FKBP14: variants seen among roughly 807,000 people sequenced by gnomAD.
The protein encoded by FKBP14 is FKBP prolyl isomerase 14, also known as peptidyl-prolyl cis-trans isomerase FKBP14.
Under a neutral mutation model 21.6 loss-of-function variants are expected in FKBP14, and 20 were observed. That is an observed-to-expected ratio of 0.92 (90% CI 0.65 to 1.34). FKBP14 has a LOEUF of 1.34. Among genes scored for constraint, FKBP14 ranks in the 40% most tolerant of loss-of-function variants. FKBP14 has a pLI of 0.00. For synonymous variants in FKBP14, 79 were observed against 86.7 expected, an observed-to-expected ratio of 0.91 and a Z score of 0.49; for missense variants, 253 against 249.0, an observed-to-expected ratio of 1.02 and a Z score of -0.11.
At chr7:30,005,941 A>G (rs1007491187), downstream of FKBP14, among the ~76,000 whole-genome samples, 3 of 152,296 alleles carry the variant, frequency 2.0e-5, no homozygotes, top group Admixed American at 2.0e-4. Context: ...AAGAAATTTA[A>G]CTGCATGGCA....
At chr7:30,008,667 G>GC (rs1789656175), downstream of FKBP14, among the ~76,000 whole-genome samples, 1 of 128,930 alleles carries the variant, frequency 7.8e-6, no homozygotes, top group Non-Finnish European at 1.6e-5. Flanking sequence ...GTTGCAGTGA[G>GC]CTGAGATTTA....
At chr7:30,009,890 TG>T (rs1264266271), downstream of FKBP14, among the ~76,000 whole-genome samples, 1 of 150,728 alleles carries the variant, frequency 6.6e-6, no homozygotes, top group Non-Finnish European at 1.5e-5. Flanking sequence ...TCCCAGCTAC[TG>T]GGGAGGCTGA....
Position 30,014,868 on chromosome 7 carries a change from A to G in FKBP14, c.503T>C (p.Phe168Ser). The change falls in exon 4 of 4, where the codon TTT becomes TCT. Residue 168 changes from phenylalanine to serine, a missense_variant. Coordinates refer to ENST00000222803, the MANE Select transcript of FKBP14 (RefSeq NM_017946.4). ...ATTCACCACCGCACCATGTTTTTCA[A>G]ACTCCTTCTTTAAATATGCTTTAAC... is the stretch of plus-strand genomic sequence containing the variant. Reference protein sequence around the residue: ...DEVKAYLKKEFEKHGAVVNES... With the variant: ...DEVKAYLKKESEKHGAVVNES... 1.3e-6 allele frequency: 2 copies of G among 1,595,736 alleles called. No individual in the cohort carries two copies. Among genetic ancestry groups the G allele is most frequent in the Non-Finnish European group, 1.7e-6 (2 of 1,175,150 alleles).
chr7:30,014,851 C>G lies in FKBP14; in HGVS notation c.520G>C (p.Val174Leu). The G allele has an allele frequency of 1.9e-6, 3 of 1,603,064 alleles. No individual in the cohort carries two copies. Among genetic ancestry groups the G allele is most frequent in the Non-Finnish European group, 2.5e-6 (3 of 1,177,352 alleles). ...GCATCATGATGACTTTCATTCACCACCGCACCATGTTTTTCAAACTCCTTC... is the reference window on the plus strand; with the variant it reads ...GCATCATGATGACTTTCATTCACCAGCGCACCATGTTTTTCAAACTCCTTC... Reference protein sequence around the residue: ...LKKEFEKHGAVVNESHHDALV... With the variant: ...LKKEFEKHGALVNESHHDALV... Residue 174 changes from valine (V) to leucine (L), a missense_variant, in exon 4 of 4, where the codon GTG becomes CTG. Val to Leu is a conservative substitution (Grantham distance 32, BLOSUM62 1). Transcript: ENST00000222803.
chr7:30,017,998 GAAATAAATAAATAAAT>G (rs56283024), intron 3 of FKBP14, among the ~76,000 whole-genome samples: 4,428 of 145,836 alleles, frequency 0.03, 112 homozygotes, highest in South Asian at 0.057. Context: ...TCCCTCTCAG[GAAATAAATAAATAAAT>G]AAATAAATAA....
intron 3 of FKBP14, among the ~76,000 whole-genome samples, 168 bp from the exon 4 acceptor site, chr7:30,015,061 G>C (rs968571579): frequency 6.6e-6 from 1 of 152,042 alleles, no homozygotes; most frequent in African/African-American, 2.4e-5. Flanking sequence ...AAAAATAATA[G>C]AAACTTTTTC....
chr7:30,023,219 C>G (rs1291758489), intron 1 of FKBP14, among the ~76,000 whole-genome samples: 1 of 152,172 alleles, frequency 6.6e-6, no homozygotes, highest in East Asian at 1.9e-4. Flanking sequence ...AGTCTTTAAA[C>G]CTAACTCCAA....
At chr7:30,021,913 T>G (rs974578937) in intron 2 of FKBP14, among the ~76,000 whole-genome samples, 2 of 152,180 alleles carry the variant, frequency 1.3e-5, no homozygotes, top group African/African-American at 4.8e-5. Flanking sequence ...GGTTCTCACT[T>G]GAACAGCAGG....
downstream of FKBP14, among the ~76,000 whole-genome samples, chr7:30,010,152 A>C (rs925058511): frequency 6.6e-6 from 1 of 152,182 alleles, no homozygotes; most frequent in Non-Finnish European, 1.5e-5. Context: ...CGTTATTTTC[A>C]TGGCAACCCC....
chr7:30,020,212 C>A (rs1234685416), intron 2 of FKBP14: 5 of 1,211,828 alleles, frequency 4.1e-6, no homozygotes, highest in Non-Finnish European at 4.2e-6. Context: ...CTGAAGCTTA[C>A]CATTTCAGAT....
Position 30,018,990 on chromosome 7 carries a change from G to A in FKBP14, c.477+6C>T. ...AGAAAGAGGAGTAGGAAGAAGGAAA[G>A]GTCACCTCATCTTTAGAGAGTTTCC... On this transcript the variant is annotated splice_donor_region_variant and intron_variant, in intron 3 of 3. Coordinates refer to ENST00000222803, the MANE Select transcript of FKBP14 (RefSeq NM_017946.4). 3 of 1,606,540 alleles carry A rather than the reference G, an allele frequency of 1.9e-6. No individual in the cohort carries two copies. Among genetic ancestry groups the A allele is most frequent in the Non-Finnish European group, 2.5e-6 (3 of 1,177,514 alleles).
At chr7:30,015,089 C>G (rs938706147) in intron 3 of FKBP14, among the ~76,000 whole-genome samples, 196 bp from the exon 4 acceptor site, 1 of 152,018 alleles carries the variant, frequency 6.6e-6, no homozygotes, top group African/African-American at 2.4e-5. Flanking sequence ...AAAACTGTTG[C>G]TAAACTGCTA....
chr7:30,021,925 T>C (rs1289738368), intron 2 of FKBP14, among the ~76,000 whole-genome samples: 2 of 152,160 alleles, frequency 1.3e-5, no homozygotes, highest in African/African-American at 2.4e-5. Flanking sequence ...AACAGCAGGA[T>C]ATGTGTCTGC....
At chr7:30,008,591 T>C (rs1230073862), downstream of FKBP14, among the ~76,000 whole-genome samples, 1 of 150,868 alleles carries the variant, frequency 6.6e-6, no homozygotes, top group African/African-American at 2.4e-5. Flanking sequence ...TGTGGTGGCA[T>C]GTGTCTGTAG....
chr7:30,006,089 T>C (rs1013597933), downstream of FKBP14, among the ~76,000 whole-genome samples: 1 of 149,628 alleles, frequency 6.7e-6, no homozygotes, highest in Non-Finnish European at 1.5e-5. Context: ...CATACACACA[T>C]ATATATACAT....
At chr7:30,025,493 G>A (rs902089430) in intron 1 of FKBP14, 1 of 152,188 alleles carries the variant, frequency 6.6e-6, no homozygotes, top group African/African-American at 2.4e-5. Flanking sequence ...ACAGACTAAT[G>A]AATAGATGAA....
downstream of FKBP14, chr7:30,008,152 C>T (rs546207988): frequency 6.6e-6 from 1 of 152,276 alleles, no homozygotes; most frequent in Admixed American, 6.5e-5. Flanking sequence ...GTGATTCTGC[C>T]ATGCACTAAA....
In FKBP14 at chr7:30,015,183, G is replaced by A. The variant is rs77072689; in HGVS notation, c.478-290C>T. ...TATCCCAGCACTTTGGGAGGCCCAA[G>A]TGGGAAGATTGCTTGAGGTCAGGAG... On this transcript the variant is annotated intron_variant, in intron 3 of 3. Coordinates refer to ENST00000222803, the MANE Select transcript of FKBP14 (RefSeq NM_017946.4). 4.4e-3 allele frequency among the ~76,000 whole-genome samples: 677 copies of A among 152,230 alleles called. 9 individuals are homozygous for A. In the East Asian group the frequency reaches 0.055, roughly 12 times the overall value.
At chr7:30,009,791 A>C (rs1036925409), downstream of FKBP14, among the ~76,000 whole-genome samples, 8 of 149,882 alleles carry the variant, frequency 5.3e-5, no homozygotes, top group African/African-American at 2.0e-4. Context: ...GGAGTTCGAG[A>C]CCAGCCTGAC....
Sources: gnomAD v4.1 joint callset for allele counts (sites outside exome capture counted in the v4.1 genomes callset) on GRCh38, gnomAD v4.1.1 for gene constraint, MANE v1.5 for transcripts, NCBI Gene and HGNC (gene_info 2026-07-23, HGNC 2026-07-21) for gene names.